The following BTBD1 variants were observed in gnomAD, a reference collection of about 807,000 sequenced individuals.
The protein encoded by BTBD1 is BTB/POZ domain-containing protein 1.
BTBD1 carries 34 observed loss-of-function variants against 48.0 expected under a neutral mutation model. The observed-to-expected ratio is 0.71, with a 90% CI of 0.54 to 0.94. The LOEUF (loss-of-function observed/expected upper bound fraction) is 0.94. Ranked by LOEUF, BTBD1 falls within the 40% of genes least tolerant of loss-of-function variation. The pLI is 0.00. For synonymous variants in BTBD1, 261 were observed against 242.1 expected, an observed-to-expected ratio of 1.08 and a Z score of -0.72; for missense variants, 543 against 625.6, an observed-to-expected ratio of 0.87 and a Z score of 1.41.
intron 3 of BTBD1, chr15:83,044,524 C>A: frequency 6.3e-7 from 1 of 1,588,858 alleles, no homozygotes. Flanking sequence ...AAAAACCTCA[C>A]CATAAAAACC....
chr15:83,035,904 A>G (rs752256699), intron 4 of BTBD1, among the ~76,000 whole-genome samples: 2 of 151,898 alleles, frequency 1.3e-5, no homozygotes, highest in Non-Finnish European at 2.9e-5. Context: ...AAAAAAATAT[A>G]TATAGACTAA....
chr15:83,043,065 C>T lies in BTBD1; in HGVS notation c.665-1140G>A, dbSNP rs76214137. ...GGCTGAGACAGCAGGATCACTCGAG[C>T]CTGGGAGGTTGCAGGCTGCAGTGAG... On this transcript the variant is annotated intron_variant, in intron 3 of 7. Coordinates refer to ENST00000261721, the MANE Select transcript of BTBD1 (RefSeq NM_025238.4). Among the ~76,000 whole-genome samples the T allele has an allele frequency of 8.1e-3, 1,227 of 152,252 alleles. 16 individuals are homozygous for T. Among genetic ancestry groups the T allele is most frequent in the African/African-American group, 0.028 (1,158 of 41,554 alleles).
intron 5 of BTBD1, chr15:83,028,528 T>TATAG (rs1420071156): frequency 6.6e-6 from 1 of 152,164 alleles, no homozygotes; most frequent in East Asian, 1.9e-4. Flanking sequence ...ATAAGGGTTA[T>TATAG]GCTTCCTTCA....
At chr15:83,042,034 G>C in intron 3 of BTBD1, 109 bp from the exon 4 acceptor site, 4 of 836,040 alleles carry the variant, frequency 4.8e-6, no homozygotes, top group South Asian at 3.3e-5. Context: ...CAAAAAATAG[G>C]TTAGACACTT....
At chr15:83,051,844 T>C (rs964362797) in intron 2 of BTBD1, among the ~76,000 whole-genome samples, 1 of 137,764 alleles carries the variant, frequency 7.3e-6, no homozygotes, top group African/African-American at 3.0e-5. Context: ...ATTTAACATT[T>C]TGCCTCATTT....
chr15:83,045,502 AAAAC>A (rs942993825), intron 3 of BTBD1, among the ~76,000 whole-genome samples: 6 of 150,494 alleles, frequency 4.0e-5, no homozygotes, highest in East Asian at 1.9e-4. Context: ...CTGCCTCAAA[AAAAC>A]AAACAAACAA....
intron 1 of BTBD1, among the ~76,000 whole-genome samples, chr15:83,057,515 A>T (rs12440265): frequency 0.2 from 29,708 of 152,120 alleles, 3,099 homozygotes; most frequent in Non-Finnish European, 0.22. Context: ...TTCCCTCTGC[A>T]TTTTGGAAGA....
In BTBD1 at chr15:83,066,867, G is replaced by A. The variant is rs752116945; in HGVS notation, c.285C>T (p.Phe95=). ...AGACGGCGCTGCCGGCCGCCAGCAC[G>A]AAGCGGTGGGCGGGGATGCGCTGCG... ...GGPQRIPAHR[F]VLAAGSAVFD... is the part of the protein sequence containing the mutation. The change falls in exon 1 of 8, where the codon TTC becomes TTT. Residue 95 remains phenylalanine (F), a synonymous_variant. Transcript: ENST00000261721. The A allele has an allele frequency of 8.8e-6, 13 of 1,472,650 alleles. No homozygotes were observed. In the East Asian group the frequency reaches 1.1e-4, roughly 13 times the overall value. The allele number at this position is 1,472,650 out of a possible 1,614,324, so 91.2% of individuals were successfully genotyped here.
Position 83,067,004 on chromosome 15 carries a change from C to T in BTBD1, c.148G>A (p.Ala50Thr). The change falls in exon 1 of 8, where the codon GCG becomes ACG. Residue 50 changes from alanine (A) to threonine (T), a missense_variant. This residue lies in a region of BTBD1 where 173 missense variants were observed against 163.9 expected (regional missense o/e 1.06). Transcript: ENST00000261721. ...LQREPLYNWQ[A>T]TKASLKERFA... ...CGCTCCTTCAGCGACGCCTTGGTCG[C>T]CTGCCAGTTGTAGAGAGGTTCCCGC... 2 of 1,586,244 alleles carry T rather than the reference C, an allele frequency of 1.3e-6. No individual in the cohort carries two copies. Among genetic ancestry groups the T allele is most frequent in the South Asian group, 2.2e-5 (2 of 88,928 alleles).
At chr15:83,065,160 G>A (rs773858616) in intron 1 of BTBD1, among the ~76,000 whole-genome samples, 1 of 151,896 alleles carries the variant, frequency 6.6e-6, no homozygotes, top group Non-Finnish European at 1.5e-5. Flanking sequence ...TATAAATAAA[G>A]CTGTAAATAT....
intron 4 of BTBD1, among the ~76,000 whole-genome samples, chr15:83,038,376 AAC>A (rs2032672370): frequency 1.3e-5 from 2 of 152,188 alleles, no homozygotes; most frequent in South Asian, 4.1e-4. Context: ...AGAACTATAA[AAC>A]ACTGCTGGAG....
chr15:83,066,278 C>G (rs1004668957), intron 1 of BTBD1, among the ~76,000 whole-genome samples: 5 of 152,070 alleles, frequency 3.3e-5, no homozygotes, highest in African/African-American at 1.2e-4. Flanking sequence ...CCAGCCTGGG[C>G]AACAGAGCAA....
chr15:83,051,877 TAC>T (rs113253261), intron 2 of BTBD1, among the ~76,000 whole-genome samples: 68 of 138,894 alleles, frequency 4.9e-4, no homozygotes, highest in Admixed American at 1.2e-3. Context: ...TCCATATATA[TAC>T]ACACACACAC....
At chr15:83,047,974 A>G (rs529342614) in intron 3 of BTBD1, among the ~76,000 whole-genome samples, 1 of 152,306 alleles carries the variant, frequency 6.6e-6, no homozygotes, top group South Asian at 2.1e-4. Context: ...TGCCATGTAG[A>G]GAATGGAGTG....
chr15:83,053,400 G>GT lies in BTBD1; in HGVS notation c.558+2988dup, dbSNP rs1224791792. On this transcript the variant is annotated intron_variant, in intron 2 of 7. Transcript: ENST00000261721. Reference sequence around the variant, plus strand: ...TCTCAGACCAATAAGATACTGAAAAGTTTTTTTTTTCTCATAGTGACACCT... The same window carrying GT: ...TCTCAGACCAATAAGATACTGAAAAGTTTTTTTTTTTCTCATAGTGACACCT... Among the ~76,000 whole-genome samples, 1,442 of 150,126 alleles carry GT rather than the reference G, an allele frequency of 9.6e-3. 19 individuals are homozygous for GT. The highest frequency in any genetic ancestry group is 0.033 in the African/African-American group (1,357 of 41,002).
intron 3 of BTBD1, among the ~76,000 whole-genome samples, chr15:83,049,517 T>C (rs1198721160): frequency 6.6e-6 from 1 of 152,176 alleles, no homozygotes; most frequent in Non-Finnish European, 1.5e-5. Flanking sequence ...TTTTCCGGAT[T>C]TGCATAGTAA....
rs770368255 is a variant in BTBD1 at position 83,067,065 on chromosome 15, G to GGGCGGC, written c.81_86dup (p.Pro28_Pro29dup). On this transcript the variant is annotated inframe_insertion, in exon 1 of 8. Coordinates refer to ENST00000261721, the MANE Select transcript of BTBD1 (RefSeq NM_025238.4). ...GCAGGGGCCCCAGAGAGGACGGTGA[G>GGGCGGC]GGCGGCGGCGGCGGCCCCGCGGGGC... 5.1e-6 allele frequency: 8 copies of GGGCGGC among 1,559,802 alleles called. 1 individual carries two copies. In the South Asian group the frequency reaches 7.0e-5, roughly 14 times the overall value.
intron 3 of BTBD1, among the ~76,000 whole-genome samples, chr15:83,043,578 G>A (rs569682105): frequency 6.6e-6 from 1 of 152,260 alleles, no homozygotes; most frequent in South Asian, 2.1e-4. Flanking sequence ...CAGGGATGGT[G>A]GCCTGGACAA....
chr15:83,038,386 GAGGA>G (rs1305913628), intron 4 of BTBD1, among the ~76,000 whole-genome samples: 1 of 152,014 alleles, frequency 6.6e-6, no homozygotes, highest in Non-Finnish European at 1.5e-5. Flanking sequence ...AACACTGCTG[GAGGA>G]AATCACAGAT....
Sources: gnomAD v4.1 joint callset for allele counts (sites outside exome capture counted in the v4.1 genomes callset) on GRCh38, gnomAD v4.1.1 for gene constraint, gnomAD v4.1.1 regional missense constraint, MANE v1.5 for transcripts, NCBI Gene and HGNC (gene_info 2026-07-23, HGNC 2026-07-21) for gene names.